The following PISD variants were observed in gnomAD, a reference collection of about 807,000 sequenced individuals.
The protein encoded by PISD is phosphatidylserine decarboxylase proenzyme, mitochondrial.
PISD carries 31 observed loss-of-function variants against 43.5 expected under a neutral mutation model. The observed-to-expected ratio is 0.71, with a 90% CI of 0.54 to 0.96. PISD has a LOEUF of 0.96. Among genes scored for constraint, PISD ranks in the 40% least tolerant of loss-of-function variants. PISD has a pLI of 0.00. For synonymous variants in PISD, 259 were observed against 228.7 expected, an observed-to-expected ratio of 1.13 and a Z score of -1.20; for missense variants, 523 against 548.4, an observed-to-expected ratio of 0.95 and a Z score of 0.46.
At chr22:31,642,547 C>T (rs1213912220) in intron 3 of PISD, among the ~76,000 whole-genome samples, 5 of 151,140 alleles carry the variant, frequency 3.3e-5, no homozygotes, top group Non-Finnish European at 7.4e-5. Context: ...GTAATCCCAG[C>T]ACTTTGGGGG....
chr22:31,660,247 C>T (rs546017126), intron 1 of PISD, among the ~76,000 whole-genome samples: 57 of 152,320 alleles, frequency 3.7e-4, no homozygotes, highest in South Asian at 1.2e-3. Context: ...ATCTCTCTCA[C>T]CCACTGCATC....
At chr22:31,644,035 G>A (rs774510584) in intron 3 of PISD, among the ~76,000 whole-genome samples, 13 of 150,808 alleles carry the variant, frequency 8.6e-5, no homozygotes, top group Non-Finnish European at 1.5e-4. Context: ...GTGACAGGGC[G>A]AGTCTCCGTC....
In PISD at chr22:31,630,805, C is replaced by A; in HGVS notation, c.322-8920G>T. 4.1e-6 allele frequency: 4 copies of A among 985,544 alleles called. No individual in the cohort carries two copies. In the South Asian group the frequency reaches 1.9e-4, roughly 46 times the overall value. 61.0% of individuals were successfully genotyped at this position (985,544 alleles called of 1,614,324 possible). On this transcript the variant is annotated intron_variant, in intron 3 of 7. Coordinates refer to ENST00000439502, the MANE Select transcript of PISD (RefSeq NM_001326411.2). The surrounding 1 kb of genome is among the most constrained non-coding windows in gnomAD (Gnocchi z 4.4). ...GGGGCGCCGGCTCCGCTCACTCACCCGCAGGTGGCTCCAGCTTCCGGGCTC... is the reference window on the plus strand; with the variant it reads ...GGGGCGCCGGCTCCGCTCACTCACCAGCAGGTGGCTCCAGCTTCCGGGCTC...
chr22:31,633,572 AG>A (rs1308320363), intron 3 of PISD, among the ~76,000 whole-genome samples: 22 of 152,252 alleles, frequency 1.4e-4, no homozygotes, highest in African/African-American at 5.1e-4. Flanking sequence ...ACAATTAGCC[AG>A]GCATGGTGGC....
chr22:31,630,630 G>T lies in PISD; in HGVS notation c.322-8745C>A. On this transcript the variant is annotated intron_variant, in intron 3 of 7. Coordinates refer to ENST00000439502, the MANE Select transcript of PISD (RefSeq NM_001326411.2). The surrounding 1 kb of genome is among the most constrained non-coding windows in gnomAD (Gnocchi z 4.4). The stretch of plus-strand genomic sequence containing the variant: ...ACGACTCGCTCAACCTTGTCCGCGG[G>T]GCTCCTCAGGCCGGGGCCGCGTCGT... The T allele has an allele frequency of 1.4e-6, 1 of 712,752 alleles. No homozygotes were observed. Among genetic ancestry groups the T allele is most frequent in the Non-Finnish European group, 1.7e-6 (1 of 580,652 alleles). 44.2% of individuals were successfully genotyped at this position (712,752 alleles called of 1,614,324 possible).
intron 1 of PISD, among the ~76,000 whole-genome samples, chr22:31,659,302 G>A (rs888883815): frequency 6.6e-6 from 1 of 152,154 alleles, no homozygotes; most frequent in Non-Finnish European, 1.5e-5. Flanking sequence ...TGTATTACAA[G>A]TATATAGTAA....
At chr22:31,625,813 C>T in intron 3 of PISD, 2 of 1,600,046 alleles carry the variant, frequency 1.2e-6, no homozygotes, top group Admixed American at 1.7e-5. Context: ...ACTGACACAT[C>T]ATGGGCCGGC....
chr22:31,623,124 C>T (rs536629982), intron 3 of PISD, among the ~76,000 whole-genome samples: 8 of 152,312 alleles, frequency 5.3e-5, no homozygotes, highest in East Asian at 1.9e-4. Context: ...AACAGGGTTT[C>T]CTCCTTGGGG....
At chr22:31,645,056 G>A (rs763351030) in intron 3 of PISD, among the ~76,000 whole-genome samples, 9 of 152,084 alleles carry the variant, frequency 5.9e-5, no homozygotes, top group Non-Finnish European at 1.2e-4. Flanking sequence ...CAAGGGTGGA[G>A]CTTGCAGTGA....
chr22:31,642,758 G>A (rs1279369394), intron 3 of PISD, among the ~76,000 whole-genome samples: 4 of 147,124 alleles, frequency 2.7e-5, no homozygotes, highest in Non-Finnish European at 4.4e-5. Context: ...TCACGCCACT[G>A]GACTCCAGCC....
intron 3 of PISD, chr22:31,628,955 AC>A (rs2073054340): frequency 2.0e-6 from 2 of 985,412 alleles, no homozygotes; most frequent in African/African-American, 3.5e-5. Context: ...TAAAACAGGA[AC>A]CCAAACTTGC....
chr22:31,618,651 A>G lies in PISD; in HGVS notation c.*961T>C. 2.3e-6 allele frequency: 1 copy of G among 426,652 alleles called. No individual in the cohort carries two copies. The highest frequency in any genetic ancestry group is 6.5e-5 in the South Asian group (1 of 15,444). 26.4% of individuals were successfully genotyped at this position (426,652 alleles called of 1,614,324 possible). Reference sequence around the variant, plus strand: ...AGAAATTCACAGCATCCCCAGGGTCAACATGAAATCTGGCCCTGTCCCCGC... The same window carrying G: ...AGAAATTCACAGCATCCCCAGGGTCGACATGAAATCTGGCCCTGTCCCCGC... On this transcript the variant is annotated 3_prime_UTR_variant, in exon 8 of 8. Coordinates refer to ENST00000439502, the MANE Select transcript of PISD (RefSeq NM_001326411.2).
intron 3 of PISD, among the ~76,000 whole-genome samples, chr22:31,642,885 C>A (rs2073777267): frequency 6.6e-6 from 1 of 151,132 alleles, no homozygotes; most frequent in Non-Finnish European, 1.5e-5. Context: ...GGCGGATCAC[C>A]TGAGGTCGGG....
chr22:31,643,433 A>G (rs1239864620), intron 3 of PISD, among the ~76,000 whole-genome samples: 1 of 152,174 alleles, frequency 6.6e-6, no homozygotes, highest in African/African-American at 2.4e-5. Flanking sequence ...CAAAATGGAT[A>G]AAAGACTTAA....
chr22:31,637,078 A>C (rs2073465744), intron 3 of PISD, among the ~76,000 whole-genome samples: 1 of 148,154 alleles, frequency 6.7e-6, no homozygotes, highest in South Asian at 2.1e-4. Flanking sequence ...ACTTGAGCCC[A>C]GGAGGTTGAG....
intron 3 of PISD, among the ~76,000 whole-genome samples, chr22:31,623,404 G>C (rs1185981360): frequency 2.6e-5 from 4 of 152,168 alleles, no homozygotes; most frequent in Non-Finnish European, 5.9e-5. Flanking sequence ...CCCCAGACTG[G>C]GTTCCTTCCA....
At chr22:31,659,734 G>A (rs987988232) in intron 1 of PISD, among the ~76,000 whole-genome samples, 1 of 152,018 alleles carries the variant, frequency 6.6e-6, no homozygotes, top group Non-Finnish European at 1.5e-5. Context: ...TGGGACTACA[G>A]ACACACGCCA....
At chr22:31,621,533 G>GC (rs754561240) in intron 4 of PISD, 61 bp from the exon 5 acceptor site, 2 of 1,604,128 alleles carry the variant, frequency 1.2e-6, no homozygotes, top group Non-Finnish European at 1.7e-6. Context: ...CCAGGAGACA[G>GC]CCCCCACCTC....
At chr22:31,625,793 C>A in intron 3 of PISD, 1 of 1,599,084 alleles carries the variant, frequency 6.3e-7, no homozygotes, top group East Asian at 2.3e-5. Flanking sequence ...TGGTCCTTGC[C>A]GCGCCTCTGA....
Sources: allele counts gnomAD v4.1 joint callset (sites outside exome capture counted in the v4.1 genomes callset), GRCh38; gene constraint gnomAD v4.1.1; non-coding constraint Gnocchi (gnomAD v3.1); transcripts MANE v1.5; gene names NCBI Gene and HGNC (gene_info 2026-07-23, HGNC 2026-07-21).